MYO5B: variants seen among roughly 807,000 people sequenced by gnomAD.
MYO5B encodes unconventional myosin-Vb.
MYO5B carries 143 observed loss-of-function variants against 229.3 expected under a neutral mutation model. The observed-to-expected ratio is 0.62, with a 90% CI of 0.54 to 0.72. The LOEUF is 0.72. MYO5B is among the 30% of genes least tolerant of loss of function. The pLI, the probability that MYO5B is intolerant of heterozygous loss-of-function variation, is 0.00. For synonymous variants in MYO5B, 918 were observed against 885.2 expected, an observed-to-expected ratio of 1.04 and a Z score of -0.66; for missense variants, 2,321 against 2,331.0, an observed-to-expected ratio of 1.00 and a Z score of 0.09.
chr18:49,963,003 A>G lies in MYO5B; in HGVS notation c.1350T>C (p.Phe450=). The change falls in exon 11 of 40, where the codon TTT becomes TTC. Residue 450 remains phenylalanine (F), a synonymous_variant. Transcript: ENST00000285039. ...YGFETFEVNS[F]EQFCINYANE... The stretch of plus-strand genomic sequence containing the variant: ...TTGCATAGTTGATACAGAACTGCTC[A>G]AAGCTGTTTACCTCAAATGTCTCAA... 1.9e-6 allele frequency: 3 copies of G among 1,614,082 alleles called. No homozygotes were observed. Among genetic ancestry groups the G allele is most frequent in the Non-Finnish European group, 2.5e-6 (3 of 1,179,950 alleles).
chr18:49,926,350 A>G (rs1337596743), intron 17 of MYO5B, among the ~76,000 whole-genome samples: 2 of 152,216 alleles, frequency 1.3e-5, no homozygotes, highest in African/African-American at 4.8e-5. Flanking sequence ...CCTCCACTAC[A>G]GTGGGAAAGT....
intron 17 of MYO5B, among the ~76,000 whole-genome samples, chr18:49,915,849 CT>C (rs2025007699): frequency 6.6e-6 from 1 of 152,200 alleles, no homozygotes; most frequent in Admixed American, 6.5e-5. Context: ...GGCTGAATTT[CT>C]CCCAGGCTCT....
At chr18:50,177,944 C>T (rs960916813) in intron 1 of MYO5B, among the ~76,000 whole-genome samples, 6 of 152,198 alleles carry the variant, frequency 3.9e-5, no homozygotes, top group Non-Finnish European at 7.3e-5. Flanking sequence ...TTGTCATCTC[C>T]AAAGGCAAGA....
intron 1 of MYO5B, among the ~76,000 whole-genome samples, chr18:50,101,387 G>A (rs550350888): frequency 6.6e-6 from 1 of 152,120 alleles, no homozygotes; most frequent in African/African-American, 2.4e-5. Context: ...TCCTGTATGG[G>A]GCCATCTTCT....
intron 27 of MYO5B, among the ~76,000 whole-genome samples, chr18:49,870,100 G>A (rs938154599): frequency 6.6e-6 from 1 of 152,166 alleles, no homozygotes; most frequent in Non-Finnish European, 1.5e-5. Flanking sequence ...GGAGGGTTTT[G>A]AATCTTTAGA....
At chr18:49,882,436 T>C (rs916841785) in intron 22 of MYO5B, among the ~76,000 whole-genome samples, 2 of 151,860 alleles carry the variant, frequency 1.3e-5, no homozygotes, top group African/African-American at 4.8e-5. Flanking sequence ...GAGATGATCC[T>C]GGCCAACATG....
At chr18:50,073,908 A>G (rs114913205) in intron 1 of MYO5B, among the ~76,000 whole-genome samples, 1,794 of 152,166 alleles carry the variant, frequency 0.012, 28 homozygotes, top group African/African-American at 0.041. Flanking sequence ...TACTACCAAC[A>G]GGTATCTTGT....
At chr18:50,160,941 C>A (rs943173693) in intron 1 of MYO5B, among the ~76,000 whole-genome samples, 7 of 152,118 alleles carry the variant, frequency 4.6e-5, no homozygotes, top group Admixed American at 2.0e-4. Flanking sequence ...TGAAACACTG[C>A]GGCCATTCTC....
chr18:50,129,112 C>T (rs1478887342), intron 1 of MYO5B, among the ~76,000 whole-genome samples: 1 of 152,210 alleles, frequency 6.6e-6, no homozygotes, highest in Non-Finnish European at 1.5e-5. Flanking sequence ...GGAGCCCAGG[C>T]CAGGCCCCAC....
intron 2 of MYO5B, among the ~76,000 whole-genome samples, chr18:50,047,066 A>C (rs1045124426): frequency 5.3e-5 from 8 of 152,228 alleles, no homozygotes; most frequent in African/African-American, 1.9e-4. Context: ...AAGCAATGGC[A>C]ACAAAAGCCA....
intron 1 of MYO5B, among the ~76,000 whole-genome samples, chr18:50,074,038 T>G (rs1309724979): frequency 6.6e-6 from 1 of 152,128 alleles, no homozygotes; most frequent in Admixed American, 6.5e-5. Context: ...TAGTCCATTT[T>G]CACGTTGCTG....
intron 31 of MYO5B, chr18:49,850,583 C>A (rs1217606): frequency 0.44 from 66,902 of 152,080 alleles, 15,300 homozygotes; most frequent in Middle Eastern, 0.55. Flanking sequence ...GGCGGCAGAC[C>A]GTAAAACCTT....
At chr18:50,159,679 T>C (rs967945710) in intron 1 of MYO5B, among the ~76,000 whole-genome samples, 2 of 152,162 alleles carry the variant, frequency 1.3e-5, no homozygotes, top group African/African-American at 4.8e-5. Flanking sequence ...AAAAAGTCCC[T>C]TTGCCATCCC....
At chr18:50,000,971 A>G (rs1026964275) in intron 5 of MYO5B, among the ~76,000 whole-genome samples, 5 of 152,222 alleles carry the variant, frequency 3.3e-5, no homozygotes, top group African/African-American at 9.6e-5. Flanking sequence ...GGACAGCAAC[A>G]GAGGTGGAGG....
intron 2 of MYO5B, among the ~76,000 whole-genome samples, chr18:50,054,530 T>TA (rs1203994511): frequency 2.6e-5 from 4 of 152,256 alleles, no homozygotes; most frequent in African/African-American, 9.6e-5. Context: ...GCACAGCATA[T>TA]AGGGTGAGCA....
chr18:49,888,857 C>T (rs548891864), intron 22 of MYO5B, among the ~76,000 whole-genome samples: 1 of 152,224 alleles, frequency 6.6e-6, no homozygotes, highest in Non-Finnish European at 1.5e-5. Flanking sequence ...CTGTACCACA[C>T]GGGGTGGTGG....
intron 1 of MYO5B, among the ~76,000 whole-genome samples, chr18:50,160,229 C>T (rs867624823): frequency 2.6e-5 from 4 of 152,336 alleles, no homozygotes; most frequent in South Asian, 4.1e-4. Flanking sequence ...GCTGCTCTCT[C>T]GAAAACTCTA....
intron 1 of MYO5B, among the ~76,000 whole-genome samples, chr18:50,075,001 T>C (rs1262963362): frequency 3.9e-5 from 6 of 152,098 alleles, no homozygotes; most frequent in South Asian, 2.1e-4. Flanking sequence ...GGTTTCACCA[T>C]TGGTCAGGCT....
intron 1 of MYO5B, among the ~76,000 whole-genome samples, chr18:50,067,660 C>G (rs1468092839): frequency 1.3e-5 from 2 of 152,178 alleles, no homozygotes; most frequent in Non-Finnish European, 2.9e-5. Context: ...CCTGGCACCT[C>G]CCTGCTTCTC....
Sources: gnomAD v4.1 joint callset for allele counts (sites outside exome capture counted in the v4.1 genomes callset) on GRCh38, gnomAD v4.1.1 for gene constraint, MANE v1.5 for transcripts, NCBI Gene and HGNC (gene_info 2026-07-23, HGNC 2026-07-21) for gene names.